Variants in ZNRF1 observed in about 807,000 individuals in gnomAD.
ZNRF1 encodes the protein zinc and ring finger 1.
In ZNRF1, 3 loss-of-function variants were observed where a neutral mutation model predicts 18.4. The ratio of observed to expected loss-of-function variants is 0.16; its 90% CI spans 0.07 to 0.42. The LOEUF is 0.42. ZNRF1 is among the 10% of genes least tolerant of loss of function. ZNRF1 has a pLI of 0.99. For missense variants in ZNRF1, 310 were observed against 329.8 expected (o/e 0.94, Z 0.47); for synonymous variants, 157 against 144.2 (o/e 1.09, Z -0.64).
intron 1 of ZNRF1, among the ~76,000 whole-genome samples, chr16:75,058,947 G>C (rs2035702595): frequency 1.3e-5 from 2 of 152,176 alleles, no homozygotes; most frequent in Admixed American, 1.3e-4. Flanking sequence ...CCAAGGGGCT[G>C]CTACCCGCCA....
chr16:75,045,428 T>G (rs756747195), intron 1 of ZNRF1, among the ~76,000 whole-genome samples: 91 of 152,324 alleles, frequency 6.0e-4, no homozygotes, highest in Non-Finnish European at 1.0e-3. Flanking sequence ...CTGTGAAGAT[T>G]ACTACTAATA....
chr16:75,089,599 A>G (rs2036112874), intron 1 of ZNRF1, among the ~76,000 whole-genome samples: 1 of 152,156 alleles, frequency 6.6e-6, no homozygotes, highest in African/African-American at 2.4e-5. Flanking sequence ...ACCCTGACGG[A>G]AAGGACTTTA....
intron 2 of ZNRF1, among the ~76,000 whole-genome samples, chr16:75,096,049 T>C (rs1467259089): frequency 2.0e-5 from 3 of 147,928 alleles, no homozygotes; most frequent in African/African-American, 7.7e-5. Flanking sequence ...CATGTGTTTC[T>C]GTATGTGTGC....
At chr16:75,031,821 A>G (rs939743348) in intron 1 of ZNRF1, among the ~76,000 whole-genome samples, 2 of 152,116 alleles carry the variant, frequency 1.3e-5, no homozygotes, top group African/African-American at 2.4e-5. Context: ...TACGAGTAGA[A>G]TTGCTCGGTC....
chr16:75,069,070 G>A (rs931590667), intron 1 of ZNRF1, among the ~76,000 whole-genome samples: 2 of 151,918 alleles, frequency 1.3e-5, no homozygotes, highest in South Asian at 4.2e-4. Flanking sequence ...CTGCTCTTTA[G>A]CCAAAGGGGT....
intron 2 of ZNRF1, among the ~76,000 whole-genome samples, chr16:75,097,907 G>A (rs2036217677): frequency 6.6e-6 from 1 of 152,220 alleles, no homozygotes; most frequent in Admixed American, 6.5e-5. Context: ...GTGCCTGCAG[G>A]CAATTCTTTG....
chr16:75,045,843 A>G (rs1253535033), intron 1 of ZNRF1, among the ~76,000 whole-genome samples: 3 of 151,052 alleles, frequency 2.0e-5, no homozygotes, highest in African/African-American at 7.3e-5. Context: ...AGCCTCCCAA[A>G]TAGCTGGCAC....
intron 1 of ZNRF1, among the ~76,000 whole-genome samples, chr16:75,010,988 C>T (rs1016705794): frequency 6.6e-6 from 1 of 152,122 alleles, no homozygotes; most frequent in African/African-American, 2.4e-5. Context: ...GGATTGCAGG[C>T]GTGAGCCACC....
intron 1 of ZNRF1, among the ~76,000 whole-genome samples, chr16:75,044,424 G>T (rs1458962991): frequency 6.6e-6 from 1 of 151,396 alleles, no homozygotes; most frequent in African/African-American, 2.4e-5. Context: ...ACTGGCTTTT[G>T]CCATGTTGGC....
intron 1 of ZNRF1, among the ~76,000 whole-genome samples, chr16:75,029,944 TC>T (rs1433680331): frequency 6.7e-6 from 1 of 150,110 alleles, no homozygotes; most frequent in Non-Finnish European, 1.5e-5. Flanking sequence ...ATGCTTGTAA[TC>T]CCAGCTACTC....
chr16:75,043,450 A>G (rs2035474426), intron 1 of ZNRF1, among the ~76,000 whole-genome samples: 1 of 152,210 alleles, frequency 6.6e-6, no homozygotes, highest in South Asian at 2.1e-4. Flanking sequence ...TGTTTTGAAC[A>G]GGCTGCCTTC....
chr16:75,033,273 A>G (rs1248496635), intron 1 of ZNRF1, among the ~76,000 whole-genome samples: 1 of 151,826 alleles, frequency 6.6e-6, no homozygotes, highest in Non-Finnish European at 1.5e-5. Flanking sequence ...AAAAAAAAAA[A>G]AAAAAGGAAT....
chr16:75,019,553 G>C (rs1259273734), intron 1 of ZNRF1, among the ~76,000 whole-genome samples: 3 of 151,960 alleles, frequency 2.0e-5, no homozygotes, highest in African/African-American at 7.3e-5. Context: ...TATTTCATTT[G>C]TACTTTAGAA....
At chr16:75,072,829 A>G (rs1170871610) in intron 1 of ZNRF1, among the ~76,000 whole-genome samples, 1 of 152,184 alleles carries the variant, frequency 6.6e-6, no homozygotes, top group Non-Finnish European at 1.5e-5. Context: ...GTGACCAGCA[A>G]TCCCAGGCCC....
intron 2 of ZNRF1, chr16:75,104,010 G>GA (rs2145430904): frequency 1.3e-5 from 2 of 152,198 alleles, no homozygotes; most frequent in South Asian, 4.2e-4. Context: ...GGTGGGGGGG[G>GA]AGAAAACCCC....
intron 2 of ZNRF1, 55 bp from the exon 3 acceptor site, chr16:75,104,729 G>A (rs1165788909): frequency 4.7e-6 from 7 of 1,499,496 alleles, no homozygotes; most frequent in Middle Eastern, 2.3e-4. Context: ...CTTGCCCCAT[G>A]CCACCTGTCC....
intron 1 of ZNRF1, among the ~76,000 whole-genome samples, chr16:75,043,993 A>G (rs4548900): frequency 0.38 from 58,283 of 151,518 alleles, 13,776 homozygotes; most frequent in Non-Finnish European, 0.53. Context: ...TTGTGTTTGT[A>G]GTAGAGACGT....
At chr16:75,046,573 T>A (rs2035518260) in intron 1 of ZNRF1, among the ~76,000 whole-genome samples, 1 of 151,882 alleles carries the variant, frequency 6.6e-6, no homozygotes, top group Non-Finnish European at 1.5e-5. Context: ...TATTATTTTT[T>A]ATTTATTTTT....
At position 75,097,593 on chromosome 16, in the gene ZNRF1, C is replaced by T. The variant is rs560732635; in HGVS notation, c.520+3926C>T. On this transcript the variant is annotated intron_variant, in intron 2 of 4. Transcript: ENST00000335325. ...CTGTAATCCCAACACTTTGGGGAAC[C>T]GAGATTGCTTGAGCTCAGGAATTTG... 5.9e-5 allele frequency among the ~76,000 whole-genome samples: 9 copies of T among 152,232 alleles called. No individual in the cohort carries two copies. The South Asian group carries it at 1.5e-3, about 25-fold the overall frequency.
Sources: gnomAD v4.1 joint callset for allele counts (sites outside exome capture counted in the v4.1 genomes callset) on GRCh38, gnomAD v4.1.1 for gene constraint, MANE v1.5 for transcripts, NCBI Gene and HGNC (gene_info 2026-07-23, HGNC 2026-07-21) for gene names.